The following PALM2AKAP2 variants were observed in gnomAD, a reference collection of about 807,000 sequenced individuals.
PALM2AKAP2 encodes the protein PALM2-AKAP2 fusion protein.
In PALM2AKAP2, 37 loss-of-function variants were observed where a neutral mutation model predicts 71.5. That is an observed-to-expected ratio of 0.52 (90% confidence interval 0.40 to 0.68). The LOEUF (loss-of-function observed/expected upper bound fraction) is 0.68. PALM2AKAP2 is among the 30% of genes least tolerant of loss of function. The probability of loss-of-function intolerance (pLI) is 0.00; values close to 1 mark genes in which losing one functional copy is unlikely to be tolerated. For synonymous variants in PALM2AKAP2, 468 were observed against 478.8 expected (o/e 0.98, Z 0.29); for missense variants, 1,224 against 1,191.8 (o/e 1.03, Z -0.40).
intron 1 of PALM2AKAP2, among the ~76,000 whole-genome samples, chr9:109,647,018 C>G (rs1346938408): frequency 6.6e-6 from 1 of 152,204 alleles, no homozygotes; most frequent in Non-Finnish European, 1.5e-5. Flanking sequence ...TTTCCATTCT[C>G]TCACTCATAT....
intron 1 of PALM2AKAP2, among the ~76,000 whole-genome samples, chr9:109,792,823 A>G (rs1386557230): frequency 1.3e-5 from 2 of 152,172 alleles, no homozygotes; most frequent in Non-Finnish European, 2.9e-5. Context: ...AACTAAATGT[A>G]TAGGATGCCC....
chr9:110,142,586 GAC>G (rs1836061019), intron 2 of PALM2AKAP2, among the ~76,000 whole-genome samples: 1 of 152,210 alleles, frequency 6.6e-6, no homozygotes, highest in Non-Finnish European at 1.5e-5. Flanking sequence ...AAACAAGGAA[GAC>G]CATATCATTT....
At chr9:109,977,448 C>G (rs1333062116) in intron 6 of PALM2AKAP2, among the ~76,000 whole-genome samples, 1 of 152,180 alleles carries the variant, frequency 6.6e-6, no homozygotes, top group African/African-American at 2.4e-5. Context: ...TTAGGCAGCC[C>G]ATGTCCCACC....
chr9:109,968,932 A>G (rs1333267729), intron 6 of PALM2AKAP2, among the ~76,000 whole-genome samples: 1 of 152,206 alleles, frequency 6.6e-6, no homozygotes, highest in Non-Finnish European at 1.5e-5. Context: ...TCCGGGCTAT[A>G]AAACTGTGGA....
chr9:109,853,937 C>G (rs1186516862), intron 1 of PALM2AKAP2, among the ~76,000 whole-genome samples: 1 of 152,180 alleles, frequency 6.6e-6, no homozygotes, highest in Non-Finnish European at 1.5e-5. Flanking sequence ...TAGGTGGGCT[C>G]TCACTGGCTC....
intron 1 of PALM2AKAP2, among the ~76,000 whole-genome samples, chr9:109,721,481 T>C (rs1167871485): frequency 6.6e-6 from 1 of 152,218 alleles, no homozygotes; most frequent in African/African-American, 2.4e-5. Flanking sequence ...ATCTACCTTC[T>C]ATCTTGTTAT....
intron 1 of PALM2AKAP2, among the ~76,000 whole-genome samples, chr9:109,719,503 C>G (rs550560054): frequency 4.6e-4 from 70 of 152,274 alleles, no homozygotes; most frequent in South Asian, 1.2e-3. Flanking sequence ...AATCCAATTC[C>G]CTAAACACTC....
At chr9:109,999,999 T>G (rs1036048426) in intron 6 of PALM2AKAP2, among the ~76,000 whole-genome samples, 1 of 152,078 alleles carries the variant, frequency 6.6e-6, no homozygotes, top group Admixed American at 6.6e-5. Flanking sequence ...CCATTCCATT[T>G]TTCTCTATTT....
chr9:110,085,500 T>C (rs1000474539), intron 1 of PALM2AKAP2, among the ~76,000 whole-genome samples: 2 of 150,022 alleles, frequency 1.3e-5, no homozygotes, highest in Admixed American at 1.3e-4. Flanking sequence ...TACTGTGATG[T>C]TTCACCGATC....
chr9:109,735,805 A>G (rs1371858997), intron 1 of PALM2AKAP2, among the ~76,000 whole-genome samples: 1 of 152,138 alleles, frequency 6.6e-6, no homozygotes, highest in Non-Finnish European at 1.5e-5. Flanking sequence ...CATCATGCTG[A>G]TAGGAGGAAG....
At position 110,035,229 on chromosome 9, in the gene PALM2AKAP2, TATA is replaced by T. The variant is rs1445677015; in HGVS notation, c.582+19194_582+19196del. ...TGTGTGTATATATATAAAAAATATA[TATA>T]ATATAATATATAATTATATTATATA... is the stretch of plus-strand genomic sequence containing the variant. On this transcript the variant is annotated intron_variant, in intron 7 of 9. Transcript: ENST00000302798. 9.9e-5 allele frequency among the ~76,000 whole-genome samples: 14 copies of T among 141,376 alleles called. 1 individual carries two copies. The East Asian group carries it at 2.4e-3, about 24-fold the overall frequency. The allele number at this position is 141,376 out of a possible 152,430, so 92.7% of individuals were successfully genotyped here.
intron 1 of PALM2AKAP2, among the ~76,000 whole-genome samples, chr9:110,090,574 A>G (rs1158931916): frequency 6.6e-6 from 1 of 152,242 alleles, no homozygotes. Flanking sequence ...GAAAAAGCAT[A>G]TCCCAAACAT....
intron 6 of PALM2AKAP2, among the ~76,000 whole-genome samples, chr9:109,984,039 T>C (rs1302447922): frequency 6.6e-6 from 1 of 152,212 alleles, no homozygotes; most frequent in Non-Finnish European, 1.5e-5. Context: ...CAAATAGTTC[T>C]GATGAGATGC....
chr9:109,642,139 G>A lies in PALM2AKAP2; in HGVS notation c.5+1273G>A, dbSNP rs1827079139. On this transcript the variant is annotated intron_variant, in intron 1 of 6. Transcript: ENST00000374531. Reference sequence around the variant, plus strand: ...TCTCTTCCAAAGGGCTTTGTAAATTGTAAGATATGTACAAATTTAAGGAAC... The same window carrying A: ...TCTCTTCCAAAGGGCTTTGTAAATTATAAGATATGTACAAATTTAAGGAAC... Among the ~76,000 whole-genome samples the A allele has an allele frequency of 2.6e-5, 4 of 152,192 alleles. No homozygotes were observed. The South Asian group carries it at 8.3e-4, about 32-fold the overall frequency.
chr9:110,141,074 A>G lies in PALM2AKAP2; in HGVS notation c.2569+2535A>G, dbSNP rs185774686. Among the ~76,000 whole-genome samples the G allele has an allele frequency of 2.6e-5, 4 of 152,284 alleles. No individual in the cohort carries two copies. The East Asian group carries it at 7.7e-4, about 29-fold the overall frequency. On this transcript the variant is annotated intron_variant, in intron 2 of 3. Coordinates refer to ENST00000374525, the Ensembl canonical transcript of PALM2AKAP2. ...CCATATTACCTCCAACTTTATTTCT[A>G]GCACATAAACAACTGTCTAATATAA...
intron 1 of PALM2AKAP2, among the ~76,000 whole-genome samples, chr9:109,668,799 G>T (rs1333929758): frequency 6.6e-6 from 1 of 152,146 alleles, no homozygotes; most frequent in East Asian, 1.9e-4. Flanking sequence ...TCTTTCCATT[G>T]GTGCCTCCAC....
upstream of PALM2AKAP2, among the ~76,000 whole-genome samples, chr9:110,044,112 T>G (rs1209259197): frequency 6.6e-6 from 1 of 150,770 alleles, no homozygotes; most frequent in Non-Finnish European, 1.5e-5. Flanking sequence ...AGTAACTCAT[T>G]GTCATATATG....
chr9:110,050,758 C>T (rs762334669), intron 1 of PALM2AKAP2, among the ~76,000 whole-genome samples: 2 of 152,034 alleles, frequency 1.3e-5, no homozygotes, highest in Non-Finnish European at 2.9e-5. Context: ...CTCCCGAATA[C>T]CTGGGATTAC....
At chr9:110,008,752 C>T (rs1832826719) in intron 6 of PALM2AKAP2, among the ~76,000 whole-genome samples, 1 of 151,964 alleles carries the variant, frequency 6.6e-6, no homozygotes, top group African/African-American at 2.4e-5. Context: ...ATTGCCCTTA[C>T]ACTGGGGCTT....
Sources: gnomAD v4.1 joint callset for allele counts (sites outside exome capture counted in the v4.1 genomes callset) on GRCh38, gnomAD v4.1.1 for gene constraint, MANE v1.5 for transcripts, NCBI Gene and HGNC (gene_info 2026-07-23, HGNC 2026-07-21) for gene names.